DYDC2: variants seen among roughly 807,000 people sequenced by gnomAD.
DYDC2 encodes DPY30 domain-containing protein 2.
A neutral mutation model predicts 18.7 loss-of-function variants in DYDC2; 19 were observed. The observed-to-expected ratio is 1.02, with a 90% confidence interval of 0.71 to 1.49. The LOEUF is 1.49. Among genes scored for constraint, DYDC2 ranks in the 40% most tolerant of loss-of-function variants. The probability of loss-of-function intolerance (pLI) is 0.00; values close to 1 mark genes in which losing one functional copy is unlikely to be tolerated. For synonymous variants in DYDC2, 63 were observed against 67.6 expected (o/e 0.93, Z 0.34); for missense variants, 179 against 205.1 (o/e 0.87, Z 0.78).
chr10:80,364,146 A>G (rs1843754104), intron 4 of DYDC2, among the ~76,000 whole-genome samples: 1 of 152,218 alleles, frequency 6.6e-6, no homozygotes, highest in South Asian at 2.1e-4. Context: ...GTTAGCTTCC[A>G]AGCCAATTTG....
upstream of DYDC2, chr10:80,352,608 C>A: frequency 6.3e-7 from 1 of 1,596,318 alleles, no homozygotes; most frequent in South Asian, 1.2e-5. Context: ...CCATTTCTAA[C>A]TCCTAAAAAG....
chr10:80,348,026 T>A (rs370427207), intron 1 of DYDC2, among the ~76,000 whole-genome samples: 1 of 152,224 alleles, frequency 6.6e-6, no homozygotes, highest in South Asian at 2.1e-4. Flanking sequence ...TTGAGATGAA[T>A]CTGCAGATTA....
chr10:80,357,759 A>G (rs1198185192), intron 1 of DYDC2, 134 bp from the exon 2 acceptor site: 2 of 977,878 alleles, frequency 2.0e-6, no homozygotes, highest in Non-Finnish European at 2.4e-6. Context: ...TGGGCGGGGC[A>G]GTGCCAGGCA....
At chr10:80,344,757 G>A (rs1378808915), upstream of DYDC2, 3 of 327,892 alleles carry the variant, frequency 9.1e-6, no homozygotes, top group Non-Finnish European at 1.8e-5. Context: ...CTGCCACCAT[G>A]TAAGAAGTGC....
At chr10:80,347,305 T>TTTTTTTTTTTTTTTTTTTTTTTTTTTG (rs1360993618) in intron 1 of DYDC2, among the ~76,000 whole-genome samples, 1 of 105,568 alleles carries the variant, frequency 9.5e-6, no homozygotes, top group African/African-American at 3.8e-5. Context: ...TTTTTTTTTT[T>TTTTTTTTTTTTTTTTTTTTTTTTTTTG]GCTATTGAGT....
upstream of DYDC2, chr10:80,356,486 AG>A: frequency 1.0e-6 from 1 of 985,324 alleles, no homozygotes; most frequent in Non-Finnish European, 1.2e-6. Flanking sequence ...GGAGTCTGGA[AG>A]GGTCTCCCGC....
At chr10:80,347,768 C>G (rs1412797372) in intron 1 of DYDC2, among the ~76,000 whole-genome samples, 3 of 152,136 alleles carry the variant, frequency 2.0e-5, no homozygotes, top group Non-Finnish European at 4.4e-5. Flanking sequence ...ACCGTATATA[C>G]TTGGGCTTAT....
intron 2 of DYDC2, among the ~76,000 whole-genome samples, chr10:80,360,125 T>C (rs143681299): frequency 2.6e-5 from 4 of 152,190 alleles, no homozygotes; most frequent in African/African-American, 7.2e-5. Flanking sequence ...CCAAATGCAT[T>C]GGTTCAAGTG....
intron 2 of DYDC2, among the ~76,000 whole-genome samples, chr10:80,359,787 C>T (rs1359324061): frequency 6.6e-5 from 10 of 152,282 alleles, no homozygotes; most frequent in African/African-American, 2.2e-4. Flanking sequence ...GATCCGAGTG[C>T]GGGGCCCACC....
In DYDC2 at chr10:80,363,083, A is replaced by T. The variant is rs1761949537; in HGVS notation, c.270+10A>T. 1 of 1,608,660 alleles carries T rather than the reference A, an allele frequency of 6.2e-7. No individual in the cohort carries two copies. The highest frequency in any genetic ancestry group is 1.3e-5 in the African/African-American group (1 of 74,878). ...TGAAAAGTGTCACAAGGTAGGGAGAAGGACTCAGCTTTGGGTTGCCACACA... is the reference window on the plus strand; with the variant it reads ...TGAAAAGTGTCACAAGGTAGGGAGATGGACTCAGCTTTGGGTTGCCACACA... On this transcript the variant is annotated intron_variant, in intron 4 of 4. Coordinates refer to ENST00000256039, the MANE Select transcript of DYDC2 (RefSeq NM_032372.6).
At chr10:80,358,532 TAGGG>T (rs1843534339) in intron 2 of DYDC2, among the ~76,000 whole-genome samples, 1 of 152,044 alleles carries the variant, frequency 6.6e-6, no homozygotes, top group Non-Finnish European at 1.5e-5. Context: ...CAATTTAGAG[TAGGG>T]GGAGGTATGC....
chr10:80,356,454 C>T (rs569546461), upstream of DYDC2: 163 of 985,354 alleles, frequency 1.7e-4, 2 homozygotes, highest in African/African-American at 2.1e-3. Flanking sequence ...TCCCGGGGCG[C>T]TCAGTGTGGT....
At chr10:80,356,972 G>A in intron 1 of DYDC2, 147 bp downstream of exon 1, 3 of 548,634 alleles carry the variant, frequency 5.5e-6, no homozygotes, top group Non-Finnish European at 6.9e-6. Context: ...GCAGGAGTAG[G>A]AGCCCGCCGC....
At position 80,362,724 on chromosome 10, in the gene DYDC2, T is replaced by A. The variant is rs572856642; in HGVS notation, c.147+134T>A. 11 of 1,421,710 alleles carry A rather than the reference T, an allele frequency of 7.7e-6. No individual in the cohort carries two copies. The South Asian group carries it at 1.6e-4, about 21-fold the overall frequency. The allele number at this position is 1,421,710 out of a possible 1,614,324, so 88.1% of individuals were successfully genotyped here. ...TTTGACTTGCTCTTAGAGCCAGATA[T>A]CCCTGAAGCATGGGGATCCTGGGGG... On this transcript the variant is annotated intron_variant, in intron 3 of 4. Transcript: ENST00000256039.
At chr10:80,362,267 C>T (rs1336411671) in intron 2 of DYDC2, among the ~76,000 whole-genome samples, 168 bp from the exon 3 acceptor site, 1 of 152,208 alleles carries the variant, frequency 6.6e-6, no homozygotes, top group East Asian at 1.9e-4. Context: ...GCACAATCCT[C>T]CACTGAATAT....
intron 2 of DYDC2, among the ~76,000 whole-genome samples, chr10:80,359,052 G>A (rs891133918): frequency 2.6e-5 from 4 of 152,212 alleles, no homozygotes; most frequent in African/African-American, 7.2e-5. Context: ...AGGGAACCCA[G>A]AGCAGGTTGC....
chr10:80,362,170 T>C (rs1843682390), intron 2 of DYDC2, among the ~76,000 whole-genome samples: 1 of 152,230 alleles, frequency 6.6e-6, no homozygotes, highest in Non-Finnish European at 1.5e-5. Context: ...GCTTTTATTA[T>C]TTGCTGGGCT....
In DYDC2 at chr10:80,363,029, C is replaced by T. The variant is rs1260591719; in HGVS notation, c.226C>T (p.Gln76Ter). The change falls in exon 4 of 5, where the codon CAG becomes TAG. Residue 76 changes from glutamine (Q) to a stop codon, truncating the protein, a stop_gained. Transcript: ENST00000256039. LOFTEE classifies it high-confidence loss of function. The part of the protein sequence containing the change: ...KEMEMTEMLK[Q>*]EEYQIQQNCE... The stretch of plus-strand genomic sequence containing the variant: ...AATGGAAATGACAGAAATGCTGAAA[C>T]AGGAAGAGTATCAGATTCAACAGAA... 6.2e-7 allele frequency: 1 copy of T among 1,613,938 alleles called. No homozygotes were observed. The highest frequency in any genetic ancestry group is 1.3e-5 in the African/African-American group (1 of 75,020).
At chr10:80,346,107 C>T (rs1054789204) in intron 1 of DYDC2, among the ~76,000 whole-genome samples, 1 of 152,212 alleles carries the variant, frequency 6.6e-6, no homozygotes, top group Admixed American at 6.5e-5. Context: ...CTCGGCCTCC[C>T]AAAGTACTGG....
Sources: gnomAD v4.1 joint callset for allele counts (sites outside exome capture counted in the v4.1 genomes callset) on GRCh38, gnomAD v4.1.1 for gene constraint, MANE v1.5 for transcripts, NCBI Gene and HGNC (gene_info 2026-07-23, HGNC 2026-07-21) for gene names.